TBC1D5: variants seen among roughly 807,000 people sequenced by gnomAD.
TBC1D5 encodes TBC1 domain family, member 5.
In TBC1D5, 75 loss-of-function variants were observed where a neutral mutation model predicts 100.3. The ratio of observed to expected loss-of-function variants is 0.75; its 90% CI spans 0.62 to 0.91. The LOEUF is 0.91. Ranked by LOEUF, TBC1D5 falls within the 40% of genes least tolerant of loss-of-function variation. The pLI, the probability that TBC1D5 is intolerant of heterozygous loss-of-function variation, is 0.00. For synonymous variants in TBC1D5, 323 were observed against 325.6 expected (o/e 0.99, Z 0.09); for missense variants, 910 against 942.4 (o/e 0.97, Z 0.45).
At chr3:17,501,297 G>C (rs1450335644) in intron 3 of TBC1D5, among the ~76,000 whole-genome samples, 1 of 149,076 alleles carries the variant, frequency 6.7e-6, no homozygotes, top group Non-Finnish European at 1.5e-5. Context: ...TGCTTTATTG[G>C]CTAACACCAC....
chr3:17,709,142 A>G (rs1219038417), intron 1 of TBC1D5, among the ~76,000 whole-genome samples: 2 of 152,196 alleles, frequency 1.3e-5, no homozygotes, highest in African/African-American at 4.8e-5. Context: ...TACTTGGTCC[A>G]CATTTCTTAA....
At chr3:17,223,342 A>G (rs2074489151) in intron 17 of TBC1D5, among the ~76,000 whole-genome samples, 1 of 152,180 alleles carries the variant, frequency 6.6e-6, no homozygotes, top group South Asian at 2.1e-4. Flanking sequence ...CCCGCAAAAA[A>G]GTCAGAAAAT....
At chr3:17,575,644 A>G (rs1374643082) in intron 2 of TBC1D5, among the ~76,000 whole-genome samples, 2 of 152,152 alleles carry the variant, frequency 1.3e-5, no homozygotes, top group Admixed American at 6.6e-5. Context: ...GGTTATCCCT[A>G]TGATGGGGAG....
In TBC1D5 at chr3:17,316,766, T is replaced by G. The variant is rs555824392; in HGVS notation, c.996-8632A>C. 2.1e-4 allele frequency among the ~76,000 whole-genome samples: 32 copies of G among 152,308 alleles called. No individual in the cohort carries two copies. The East Asian group carries it at 2.9e-3, about 14-fold the overall frequency. On this transcript the variant is annotated intron_variant, in intron 13 of 21. Coordinates refer to ENST00000253692, the Ensembl canonical transcript of TBC1D5. ...TGGGAAAATGTCCATGACTTGGCAA[T>G]ACTCATCTTCACTGACCTGAGGGTG...
chr3:17,653,161 T>C (rs914716636), intron 1 of TBC1D5, among the ~76,000 whole-genome samples: 1 of 152,036 alleles, frequency 6.6e-6, no homozygotes, highest in African/African-American at 2.4e-5. Context: ...GGGAGGAGTA[T>C]GGGGACAGGT....
intron 2 of TBC1D5, among the ~76,000 whole-genome samples, chr3:17,541,486 A>C (rs957071527): frequency 6.6e-6 from 1 of 151,956 alleles, no homozygotes; most frequent in Non-Finnish European, 1.5e-5. Context: ...GGTCCTTTTC[A>C]GACTACTTAT....
At chr3:17,423,847 G>A (rs570492054) in intron 4 of TBC1D5, among the ~76,000 whole-genome samples, 2 of 152,138 alleles carry the variant, frequency 1.3e-5, no homozygotes, top group South Asian at 4.1e-4. Context: ...ACTAAGATGA[G>A]GTACAAAAAT....
At chr3:17,677,434 C>T (rs2068789157) in intron 1 of TBC1D5, among the ~76,000 whole-genome samples, 1 of 152,120 alleles carries the variant, frequency 6.6e-6, no homozygotes, top group Admixed American at 6.6e-5. Context: ...AAATGCAAAG[C>T]AAAACCACAA....
At chr3:17,635,457 G>A (rs1050491173) in intron 1 of TBC1D5, among the ~76,000 whole-genome samples, 1 of 152,142 alleles carries the variant, frequency 6.6e-6, no homozygotes, top group Non-Finnish European at 1.5e-5. Context: ...GAGGCAGGTG[G>A]ATCACGTGAG....
At chr3:17,666,895 G>C (rs1415089511) in intron 1 of TBC1D5, among the ~76,000 whole-genome samples, 1 of 151,832 alleles carries the variant, frequency 6.6e-6, no homozygotes, top group African/African-American at 2.4e-5. Flanking sequence ...ACAATTACTA[G>C]TATTAGATCT....
chr3:17,693,229 G>A (rs2071433834), intron 1 of TBC1D5, among the ~76,000 whole-genome samples: 2 of 152,234 alleles, frequency 1.3e-5, no homozygotes, highest in Admixed American at 1.3e-4. Context: ...CATTGGGACT[G>A]GTTGGACATT....
chr3:17,446,568 G>A (rs1171859923), intron 3 of TBC1D5, among the ~76,000 whole-genome samples: 1 of 152,184 alleles, frequency 6.6e-6, no homozygotes, highest in African/African-American at 2.4e-5. Flanking sequence ...AATCTGGAAT[G>A]TCAGATATAT....
intron 15 of TBC1D5, among the ~76,000 whole-genome samples, chr3:17,262,745 T>C (rs1009921257): frequency 6.6e-6 from 1 of 152,028 alleles, no homozygotes; most frequent in Non-Finnish European, 1.5e-5. Flanking sequence ...CCTCCCAAAG[T>C]GCTGGGATTA....
At chr3:17,354,009 CTAAAA>C (rs905532602) in intron 13 of TBC1D5, among the ~76,000 whole-genome samples, 1 of 151,908 alleles carries the variant, frequency 6.6e-6, no homozygotes. Flanking sequence ...GATTTTTCAT[CTAAAA>C]TAACAAAATT....
At chr3:17,698,162 C>A (rs535243751) in intron 1 of TBC1D5, among the ~76,000 whole-genome samples, 1 of 152,140 alleles carries the variant, frequency 6.6e-6, no homozygotes, top group Non-Finnish European at 1.5e-5. Context: ...GCTACAGTAA[C>A]CAAAGAAGCA....
intron 15 of TBC1D5, among the ~76,000 whole-genome samples, chr3:17,267,982 C>A (rs1484996739): frequency 6.6e-6 from 1 of 151,954 alleles, no homozygotes; most frequent in Non-Finnish European, 1.5e-5. Flanking sequence ...TTTGAAATTT[C>A]TAAGTGAAGG....
At chr3:17,518,730 T>G (rs2096023925) in intron 2 of TBC1D5, among the ~76,000 whole-genome samples, 1 of 152,252 alleles carries the variant, frequency 6.6e-6, no homozygotes, top group Admixed American at 6.5e-5. Flanking sequence ...GAAAGCCCAC[T>G]GAGCTGTTAA....
chr3:17,572,473 T>C (rs1279533335), intron 2 of TBC1D5, among the ~76,000 whole-genome samples: 2 of 151,970 alleles, frequency 1.3e-5, no homozygotes, highest in Non-Finnish European at 2.9e-5. Context: ...TTCACCAATA[T>C]ATAAACACTT....
At chr3:17,558,135 C>A (rs1187191485) in intron 2 of TBC1D5, among the ~76,000 whole-genome samples, 2 of 152,124 alleles carry the variant, frequency 1.3e-5, no homozygotes, top group African/African-American at 4.8e-5. Flanking sequence ...TAAACTATGA[C>A]ATTATAAGAA....
Sources: allele counts gnomAD v4.1 joint callset (sites outside exome capture counted in the v4.1 genomes callset), GRCh38; gene constraint gnomAD v4.1.1; transcripts MANE v1.5; gene names NCBI Gene and HGNC (gene_info 2026-07-23, HGNC 2026-07-21).